Variants in ZNF333 observed in about 807,000 individuals in gnomAD.
ZNF333 encodes zinc finger protein 333.
In ZNF333, 61 loss-of-function variants were observed where a neutral mutation model predicts 76.1. The ratio of observed to expected loss-of-function variants is 0.80; its 90% CI spans 0.65 to 0.99. ZNF333 has a LOEUF of 0.99. Among genes scored for constraint, ZNF333 ranks in the 50% least tolerant of loss-of-function variants. ZNF333 has a pLI of 0.00. For missense variants in ZNF333, 717 were observed against 822.4 expected, an observed-to-expected ratio of 0.87 and a Z score of 1.57; for synonymous variants, 284 against 305.0, an observed-to-expected ratio of 0.93 and a Z score of 0.72.
chr19:14,706,987 A>C, intron 7 of ZNF333: 1 of 510,770 alleles, frequency 2.0e-6, no homozygotes, highest in Middle Eastern at 5.0e-4. Context: ...GGGCTCACTC[A>C]ACCACAGCAA....
At position 14,709,337 on chromosome 19, in the gene ZNF333, G is replaced by A. The variant is rs559512806; in HGVS notation, c.511+2564G>A. 853 of 152,320 alleles carry A rather than the reference G, an allele frequency of 5.6e-3. 13 individuals carry two copies. The highest frequency in any genetic ancestry group is 0.019 in the African/African-American group (796 of 41,556). The allele number at this position is 152,320 out of a possible 1,614,324, so 9.4% of individuals were successfully genotyped here. On this transcript the variant is annotated intron_variant, in intron 7 of 11. Transcript: ENST00000292530. ...CACCAGTCATATTGGGCTAGGGCCCGCCCTACTGACATCATTTTAATTTAA... is the reference window on the plus strand; with the variant it reads ...CACCAGTCATATTGGGCTAGGGCCCACCCTACTGACATCATTTTAATTTAA...
chr19:14,722,942 T>C (rs2042607860), downstream of ZNF333, among the ~76,000 whole-genome samples: 1 of 152,132 alleles, frequency 6.6e-6, no homozygotes, highest in Non-Finnish European at 1.5e-5. Context: ...CATACCACCA[T>C]GCCTGGCTAA....
In ZNF333 at chr19:14,719,730, A is replaced by G; in HGVS notation, c.*405A>G. On this transcript the variant is annotated 3_prime_UTR_variant, in exon 12 of 12. Coordinates refer to ENST00000292530, the MANE Select transcript of ZNF333 (RefSeq NM_032433.4). ...TTTCTAATTTAATTACATGGTGAGA[A>G]GAGTATGTGGCCTCTTTGTTACTGA... 2.0e-6 allele frequency: 2 copies of G among 1,003,420 alleles called. No individual in the cohort carries two copies. The highest frequency in any genetic ancestry group is 2.4e-6 in the Non-Finnish European group (2 of 841,422). The allele number at this position is 1,003,420 out of a possible 1,614,324, so 62.2% of individuals were successfully genotyped here. A position where few individuals can be genotyped will look rare whatever the true frequency, so the allele number is the denominator to read the frequency against.
intron 4 of ZNF333, among the ~76,000 whole-genome samples, chr19:14,696,358 C>T (rs1226456098): frequency 6.6e-6 from 1 of 152,156 alleles, no homozygotes; most frequent in Non-Finnish European, 1.5e-5. Context: ...ACCCCTCCCT[C>T]AGCCCCTGGC....
downstream of ZNF333, among the ~76,000 whole-genome samples, chr19:14,726,020 G>T (rs2042631061): frequency 6.6e-6 from 1 of 152,136 alleles, no homozygotes; most frequent in South Asian, 2.1e-4. Flanking sequence ...CTCCTTCCTG[G>T]GCACCGTGGC....
chr19:14,725,029 C>G (rs1043392173), downstream of ZNF333, among the ~76,000 whole-genome samples: 2 of 152,212 alleles, frequency 1.3e-5, no homozygotes, highest in African/African-American at 4.8e-5. Flanking sequence ...AACGGGCTCA[C>G]GGTTCTGCAG....
chr19:14,692,585 T>C (rs1972853711), intron 1 of ZNF333, among the ~76,000 whole-genome samples: 1 of 152,130 alleles, frequency 6.6e-6, no homozygotes, highest in East Asian at 1.9e-4. Context: ...GGATCTGGGC[T>C]CACTGCAGCC....
At position 14,698,911 on chromosome 19, in the gene ZNF333, T is replaced by TA. The variant is rs1973451984; in HGVS notation, c.224-287dup. 1.8e-3 allele frequency among the ~76,000 whole-genome samples: 36 copies of TA among 20,380 alleles called. 1 individual carries two copies. The highest frequency in any genetic ancestry group is 3.0e-3 in the Admixed American group (7 of 2,358). 13.4% of individuals were successfully genotyped at this position (20,380 alleles called of 152,430 possible). ...ACACACAAATATAGATATATATATA[T>TA]ATATATATATATATATATATATATA... On this transcript the variant is annotated intron_variant, in intron 4 of 11. Transcript: ENST00000292530.
chr19:14,728,018 C>T (rs554719786), intron 11 of ZNF333, among the ~76,000 whole-genome samples: 9 of 152,248 alleles, frequency 5.9e-5, no homozygotes, highest in South Asian at 4.1e-4. Flanking sequence ...GTCAGGAGAT[C>T]GAGACCATCC....
chr19:14,704,777 A>G (rs991939805), intron 5 of ZNF333, among the ~76,000 whole-genome samples: 1 of 152,206 alleles, frequency 6.6e-6, no homozygotes, highest in African/African-American at 2.4e-5. Flanking sequence ...TCCCTCCCAC[A>G]ACACGTGGGA....
chr19:14,703,023 T>A (rs62125495), intron 5 of ZNF333, among the ~76,000 whole-genome samples: 5,874 of 150,966 alleles, frequency 0.039, 137 homozygotes, highest in Middle Eastern at 0.092. Context: ...GCTAACATGG[T>A]GAAACCCCGT....
At chr19:14,711,164 AGT>A (rs1386392978) in intron 7 of ZNF333, among the ~76,000 whole-genome samples, 1 of 152,322 alleles carries the variant, frequency 6.6e-6, no homozygotes, top group East Asian at 1.9e-4. Flanking sequence ...GGAAACAAAC[AGT>A]CCCTAAATTC....
chr19:14,697,605 C>T (rs979534334), intron 4 of ZNF333, among the ~76,000 whole-genome samples: 2 of 152,136 alleles, frequency 1.3e-5, no homozygotes, highest in Non-Finnish European at 2.9e-5. Context: ...GGGTGATCCT[C>T]CCACCTTGGC....
At chr19:14,695,428 C>A in intron 3 of ZNF333, 138 bp from the exon 4 acceptor site, 1 of 870,166 alleles carries the variant, frequency 1.1e-6, no homozygotes, top group Non-Finnish European at 1.8e-6. Context: ...GATCCCTTTG[C>A]TACCCATCAC....
At chr19:14,702,034 C>A in intron 5 of ZNF333, 2 of 370,348 alleles carry the variant, frequency 5.4e-6, no homozygotes, top group Non-Finnish European at 7.5e-6. Context: ...CCTTCCAGGC[C>A]ATGCCAGGCA....
intron 7 of ZNF333, chr19:14,708,298 G>A (rs1160706681): frequency 2.2e-5 from 9 of 400,534 alleles, no homozygotes; most frequent in East Asian, 3.6e-5. Context: ...GTGAGCCACC[G>A]TGCCTGACCT....
At chr19:14,700,189 CT>C (rs5827253) in intron 5 of ZNF333, 24,518 of 147,780 alleles carry the variant, frequency 0.17, 2,288 homozygotes, top group Middle Eastern at 0.26. Flanking sequence ...CTTTTTCTTT[CT>C]TTTTTTTTTT....
In ZNF333 at chr19:14,699,405, G is replaced by T. The variant is rs1370232300; in HGVS notation, c.306+124G>T. 3 of 818,784 alleles carry T rather than the reference G, an allele frequency of 3.7e-6. No individual in the cohort carries two copies. In the African/African-American group the frequency reaches 5.1e-5, roughly 14 times the overall value. 50.7% of individuals were successfully genotyped at this position (818,784 alleles called of 1,614,324 possible). On this transcript the variant is annotated intron_variant, in intron 5 of 11. Coordinates refer to ENST00000292530, the MANE Select transcript of ZNF333 (RefSeq NM_032433.4). The stretch of plus-strand genomic sequence containing the variant: ...ATGGGTGTCTCTTGGAAGGGAAACA[G>T]TGTCTGAGGGGAGTGCCTGTGACTT...
chr19:14,726,056 G>A (rs143524631), downstream of ZNF333, among the ~76,000 whole-genome samples: 2 of 152,320 alleles, frequency 1.3e-5, no homozygotes, highest in Non-Finnish European at 2.9e-5. Context: ...TTGAAATCTA[G>A]GTGGAAGCCA....
Sources: allele counts gnomAD v4.1 joint callset (sites outside exome capture counted in the v4.1 genomes callset), GRCh38; gene constraint gnomAD v4.1.1; transcripts MANE v1.5; gene names NCBI Gene and HGNC (gene_info 2026-07-23, HGNC 2026-07-21).